The following RAB27B variants were observed in gnomAD, a reference collection of about 807,000 sequenced individuals.
The protein encoded by RAB27B is ras-related protein Rab-27B.
Under a neutral mutation model 24.6 loss-of-function variants are expected in RAB27B, and 15 were observed. The ratio of observed to expected loss-of-function variants is 0.61; its 90% confidence interval spans 0.41 to 0.94. The LOEUF (loss-of-function observed/expected upper bound fraction) is 0.94. Among genes scored for constraint, RAB27B ranks in the 40% least tolerant of loss-of-function variants. The pLI is 0.00. For synonymous variants in RAB27B, 105 were observed against 92.5 expected (o/e 1.14, Z -0.78); for missense variants, 261 against 266.8 (o/e 0.98, Z 0.15).
At chr18:54,810,377 ATAAAG>A (rs1460545352) in intron 2 of RAB27B, among the ~76,000 whole-genome samples, 127 of 152,330 alleles carry the variant, frequency 8.3e-4, no homozygotes, top group African/African-American at 3.0e-3. Flanking sequence ...ATGCAACCCT[ATAAAG>A]TAGTTATTGT....
chr18:54,884,326 T>G lies in RAB27B; in HGVS notation c.240-7T>G. The G allele has an allele frequency of 4.4e-6, 7 of 1,589,166 alleles. No homozygotes were observed. Among genetic ancestry groups the G allele is most frequent in the Non-Finnish European group, 6.0e-6 (7 of 1,157,768 alleles). ...TTTCAGAACTACCCACTGTGTTTCC[T>G]TGGCAGGTTCCGGAGTCTCACCACT... On this transcript the variant is annotated splice_polypyrimidine_tract_variant and splice_region_variant and intron_variant, in intron 3 of 5. Transcript: ENST00000262094.
At position 54,732,176 on chromosome 18, in the gene RAB27B, C is replaced by T. The variant is rs145601968; in HGVS notation, c.-20+14035C>T. Among the ~76,000 whole-genome samples the T allele has an allele frequency of 2.5e-3, 385 of 152,248 alleles. 4 individuals are homozygous for T. In the South Asian group the frequency reaches 0.028, roughly 11 times the overall value. ...AGTTATCTATCTAAAGAACAAATGGCTCAATAAAAGAGTGATTGCTCCTGG... is the reference window on the plus strand; with the variant it reads ...AGTTATCTATCTAAAGAACAAATGGTTCAATAAAAGAGTGATTGCTCCTGG... On this transcript the variant is annotated intron_variant, in intron 2 of 4. Coordinates refer to the RAB27B transcript ENST00000586570.
At chr18:54,876,537 C>T (rs1192785527) in intron 1 of RAB27B, among the ~76,000 whole-genome samples, 2 of 151,986 alleles carry the variant, frequency 1.3e-5, no homozygotes, top group African/African-American at 4.8e-5. Flanking sequence ...ATTAATATAG[C>T]CCATGATTCA....
intron 2 of RAB27B, among the ~76,000 whole-genome samples, chr18:54,780,730 G>T (rs1388221691): frequency 6.6e-6 from 1 of 152,074 alleles, no homozygotes; most frequent in East Asian, 1.9e-4. Context: ...TACAGATTTG[G>T]GGGAGGTGGG....
intron 2 of RAB27B, among the ~76,000 whole-genome samples, chr18:54,760,373 G>A (rs894003500): frequency 4.6e-5 from 7 of 152,176 alleles, no homozygotes; most frequent in African/African-American, 1.7e-4. Flanking sequence ...ACATATCTAG[G>A]TAGAGGATGT....
intron 2 of RAB27B, among the ~76,000 whole-genome samples, chr18:54,748,182 T>G (rs1039664318): frequency 6.6e-6 from 1 of 152,128 alleles, no homozygotes; most frequent in African/African-American, 2.4e-5. Flanking sequence ...AATATTTAAT[T>G]ATATCTACAA....
At chr18:54,802,330 C>T (rs1909636292) in intron 2 of RAB27B, among the ~76,000 whole-genome samples, 1 of 152,064 alleles carries the variant, frequency 6.6e-6, no homozygotes, top group South Asian at 2.1e-4. Context: ...TTGAAGTTAG[C>T]CAGTGCTTGG....
chr18:54,790,873 A>G (rs1030881293), intron 2 of RAB27B, among the ~76,000 whole-genome samples: 3 of 152,236 alleles, frequency 2.0e-5, no homozygotes, highest in Admixed American at 6.5e-5. Context: ...AACCATGCAG[A>G]GAATGACATC....
chr18:54,719,910 C>T (rs922940588), intron 2 of RAB27B, among the ~76,000 whole-genome samples: 2 of 152,028 alleles, frequency 1.3e-5, no homozygotes, highest in East Asian at 3.9e-4. Context: ...CATCATTACA[C>T]ATGTCTTGTT....
At chr18:54,734,468 A>G (rs1341009157) in intron 2 of RAB27B, among the ~76,000 whole-genome samples, 1 of 152,154 alleles carries the variant, frequency 6.6e-6, no homozygotes, top group Non-Finnish European at 1.5e-5. Flanking sequence ...TGATGATGAG[A>G]CTGATTGGCT....
In RAB27B at chr18:54,890,136, G is replaced by A. The variant is rs1020588168; in HGVS notation, c.*723G>A. 1.3e-5 allele frequency: 2 copies of A among 152,048 alleles called. No homozygotes were observed. Among genetic ancestry groups the A allele is most frequent in the Non-Finnish European group, 2.9e-5 (2 of 67,974 alleles). The allele number at this position is 152,048 out of a possible 1,614,324, so 9.4% of individuals were successfully genotyped here. On this transcript the variant is annotated 3_prime_UTR_variant, in exon 6 of 6. Transcript: ENST00000262094. ...AAAAAAATGAAAGTATGAGAAATTG[G>A]CATTTCTACAGCTGAAATTCAATGT...
chr18:54,853,956 T>C (rs1400259003), intron 1 of RAB27B, among the ~76,000 whole-genome samples: 1 of 152,194 alleles, frequency 6.6e-6, no homozygotes, highest in Non-Finnish European at 1.5e-5. Flanking sequence ...CCAATATGTC[T>C]TTATAACTTC....
intron 2 of RAB27B, among the ~76,000 whole-genome samples, chr18:54,777,457 C>T (rs1247980728): frequency 6.6e-6 from 1 of 152,220 alleles, no homozygotes; most frequent in East Asian, 1.9e-4. Flanking sequence ...AGTGTGCATG[C>T]AAACTCCACC....
intron 2 of RAB27B, among the ~76,000 whole-genome samples, chr18:54,815,045 G>A (rs1910080323): frequency 6.6e-6 from 1 of 151,968 alleles, no homozygotes; most frequent in Non-Finnish European, 1.5e-5. Context: ...ACCCAAATGA[G>A]AATTTAATAA....
chr18:54,797,743 C>T (rs529065153), intron 2 of RAB27B, among the ~76,000 whole-genome samples: 3 of 152,068 alleles, frequency 2.0e-5, no homozygotes, highest in Non-Finnish European at 2.9e-5. Context: ...AGACTCGTCT[C>T]GGGAGTGGTC....
chr18:54,879,335 A>G (rs1183556191), intron 2 of RAB27B, 34 bp from the exon 3 acceptor site: 5 of 1,545,890 alleles, frequency 3.2e-6, no homozygotes, highest in Non-Finnish European at 4.5e-6. Context: ...CAAAATCCAA[A>G]GCAACCTCAA....
At chr18:54,751,980 C>T (rs896834555) in intron 2 of RAB27B, among the ~76,000 whole-genome samples, 2 of 152,216 alleles carry the variant, frequency 1.3e-5, no homozygotes, top group East Asian at 1.9e-4. Flanking sequence ...CCTCAGTGGC[C>T]GCAACAGGCT....
intron 2 of RAB27B, among the ~76,000 whole-genome samples, chr18:54,783,453 T>TA (rs1908978846): frequency 6.6e-6 from 1 of 151,612 alleles, no homozygotes; most frequent in Non-Finnish European, 1.5e-5. Flanking sequence ...GCTTCAGCTT[T>TA]AAAATGTTAA....
At position 54,725,337 on chromosome 18, in the gene RAB27B, C is replaced by A. The variant is rs754164155; in HGVS notation, c.-20+7196C>A. Among the ~76,000 whole-genome samples, 65 of 151,324 alleles carry A rather than the reference C, an allele frequency of 4.3e-4. 1 individual carries two copies. Among genetic ancestry groups the A allele is most frequent in the Non-Finnish European group, 8.0e-4 (54 of 67,764 alleles). On this transcript the variant is annotated intron_variant, in intron 2 of 4. Transcript: ENST00000586570. ...GCAGTGATTAACCTTTGAGTGAGAACCATTTCAGGGTGAGTTTACTAAGGA... is the reference window on the plus strand; with the variant it reads ...GCAGTGATTAACCTTTGAGTGAGAAACATTTCAGGGTGAGTTTACTAAGGA...
Sources: gnomAD v4.1 joint callset for allele counts (sites outside exome capture counted in the v4.1 genomes callset) on GRCh38, gnomAD v4.1.1 for gene constraint, MANE v1.5 for transcripts, NCBI Gene and HGNC (gene_info 2026-07-23, HGNC 2026-07-21) for gene names.